CCDC7: variants seen among roughly 807,000 people sequenced by gnomAD.
CCDC7 encodes the protein coiled-coil domain-containing protein 7.
CCDC7 carries 183 observed loss-of-function variants against 196.9 expected under a neutral mutation model. That is an observed-to-expected ratio of 0.93 (90% CI 0.82 to 1.05). The LOEUF (loss-of-function observed/expected upper bound fraction) is 1.05, where lower values mean the gene tolerates loss of function less well. CCDC7 is among the 50% of genes least tolerant of loss of function. The probability of loss-of-function intolerance (pLI) is 0.00; values close to 1 mark genes in which losing one functional copy is unlikely to be tolerated. For missense variants in CCDC7, 1,540 were observed against 1,482.2 expected, an observed-to-expected ratio of 1.04 and a Z score of -0.64; for synonymous variants, 525 against 484.6, an observed-to-expected ratio of 1.08 and a Z score of -1.10.
chr10:32,583,787 G>A (rs1179156427), intron 17 of CCDC7, among the ~76,000 whole-genome samples: 1 of 152,008 alleles, frequency 6.6e-6, no homozygotes, highest in African/African-American at 2.4e-5. Flanking sequence ...AAAGGGAAAA[G>A]ATAAAAGGGC....
intron 9 of CCDC7, among the ~76,000 whole-genome samples, chr10:32,516,076 A>G (rs969805397): frequency 1.1e-4 from 17 of 152,300 alleles, no homozygotes; most frequent in Admixed American, 9.8e-4. Flanking sequence ...ACATGAAAAA[A>G]AACCACTCAT....
intron 13 of CCDC7, among the ~76,000 whole-genome samples, chr10:32,554,126 C>T (rs1315081341): frequency 6.6e-6 from 1 of 152,172 alleles, no homozygotes; most frequent in African/African-American, 2.4e-5. Flanking sequence ...CAGGGCTCAC[C>T]CAGCTCCCAC....
chr10:32,463,581 C>T (rs1030368996), intron 5 of CCDC7, among the ~76,000 whole-genome samples: 1 of 152,064 alleles, frequency 6.6e-6, no homozygotes, highest in Non-Finnish European at 1.5e-5. Flanking sequence ...TATATGCTGT[C>T]AGTATATTAG....
chr10:32,786,645 C>T (rs2081937441), intron 29 of CCDC7, among the ~76,000 whole-genome samples: 1 of 152,156 alleles, frequency 6.6e-6, no homozygotes, highest in African/African-American at 2.4e-5. Flanking sequence ...CCTGTAATCC[C>T]AGCTATTAGG....
chr10:32,758,138 CA>C (rs2133742361), intron 28 of CCDC7, among the ~76,000 whole-genome samples: 2 of 152,204 alleles, frequency 1.3e-5, no homozygotes, highest in Non-Finnish European at 2.9e-5. Context: ...AGTCCAGGAC[CA>C]GATGGATTCA....
At chr10:32,462,905 TGATGGATGAAGATTCAGA>T in intron 4 of CCDC7, 94 bp from the exon 6 acceptor site, 3 of 1,498,040 alleles carry the variant, frequency 2.0e-6, no homozygotes, top group Non-Finnish European at 2.7e-6. Context: ...GGCTGATATT[TGATGGATGAAGATTCAGA>T]GACACAGACA....
chr10:32,627,452 C>G (rs1035767746), intron 18 of CCDC7, among the ~76,000 whole-genome samples: 1 of 151,782 alleles, frequency 6.6e-6, no homozygotes, highest in African/African-American at 2.4e-5. Context: ...ATATTGTTAG[C>G]AAACAATGAT....
At chr10:32,671,816 T>A (rs1156625990) in intron 21 of CCDC7, among the ~76,000 whole-genome samples, 1 of 152,130 alleles carries the variant, frequency 6.6e-6, no homozygotes, top group Non-Finnish European at 1.5e-5. Context: ...GAGAGTTGTG[T>A]CACCTTTGTG....
At chr10:32,759,730 C>T (rs989662231) in intron 28 of CCDC7, among the ~76,000 whole-genome samples, 5 of 152,140 alleles carry the variant, frequency 3.3e-5, no homozygotes, top group Non-Finnish European at 7.3e-5. Context: ...CAACAAAAGG[C>T]AAAATTGACA....
chr10:32,844,876 A>G (rs1276268916), intron 33 of CCDC7, among the ~76,000 whole-genome samples: 1 of 151,796 alleles, frequency 6.6e-6, no homozygotes, highest in Non-Finnish European at 1.5e-5. Context: ...CATGTGCACT[A>G]CACATGCACA....
chr10:32,529,785 A>G (rs2135844009), intron 11 of CCDC7, among the ~76,000 whole-genome samples: 1 of 152,164 alleles, frequency 6.6e-6, no homozygotes, highest in East Asian at 1.9e-4. Flanking sequence ...ATTGAGTCCC[A>G]TCTATTTATC....
At chr10:32,713,505 A>T (rs912628109) in intron 25 of CCDC7, among the ~76,000 whole-genome samples, 10 of 152,272 alleles carry the variant, frequency 6.6e-5, no homozygotes, top group African/African-American at 2.4e-4. Flanking sequence ...CCCACAATGT[A>T]TCACTCTAAA....
At chr10:32,652,514 T>G (rs1159261808) in intron 20 of CCDC7, among the ~76,000 whole-genome samples, 1 of 152,160 alleles carries the variant, frequency 6.6e-6, no homozygotes, top group African/African-American at 2.4e-5. Context: ...CTTTTGTGGT[T>G]GTTTTTCTCT....
chr10:32,621,964 A>G (rs1193525302), intron 18 of CCDC7, among the ~76,000 whole-genome samples: 2 of 152,190 alleles, frequency 1.3e-5, no homozygotes, highest in Non-Finnish European at 2.9e-5. Flanking sequence ...AGCCCCATCA[A>G]CTTGACACAT....
chr10:32,636,243 T>C (rs971183689), intron 20 of CCDC7, among the ~76,000 whole-genome samples: 2 of 152,246 alleles, frequency 1.3e-5, no homozygotes, highest in African/African-American at 4.8e-5. Flanking sequence ...TTATTTTTTA[T>C]TATACTTTAA....
At chr10:32,844,116 G>A (rs901770830) in intron 33 of CCDC7, among the ~76,000 whole-genome samples, 37 of 151,866 alleles carry the variant, frequency 2.4e-4, no homozygotes, top group African/African-American at 7.2e-4. Flanking sequence ...AGGTTCACCA[G>A]TTGACCCAAG....
chr10:32,508,461 A>G (rs543769878), intron 9 of CCDC7, among the ~76,000 whole-genome samples: 2 of 152,336 alleles, frequency 1.3e-5, no homozygotes, highest in African/African-American at 2.4e-5. Flanking sequence ...AAATAAGTCC[A>G]TGTACCCAAA....
At chr10:32,796,818 C>A (rs1481034663) in intron 29 of CCDC7, among the ~76,000 whole-genome samples, 1 of 151,862 alleles carries the variant, frequency 6.6e-6, no homozygotes, top group Non-Finnish European at 1.5e-5. Context: ...AATGGATGAC[C>A]CAAATTTATA....
At chr10:32,462,696 T>C in exon 4 of CCDC7, 1 of 1,456,518 alleles carries the variant, frequency 6.9e-7, no homozygotes, top group Non-Finnish European at 9.4e-7. Flanking sequence ...TTGGAATCTC[T>C]TTTTAAGGTA....
Sources: gnomAD v4.1 joint callset for allele counts (sites outside exome capture counted in the v4.1 genomes callset) on GRCh38, gnomAD v4.1.1 for gene constraint, MANE v1.5 for transcripts, NCBI Gene and HGNC (gene_info 2026-07-23, HGNC 2026-07-21) for gene names.